Variants in FLI1 observed in about 807,000 individuals in gnomAD.
FLI1 encodes Fli-1 proto-oncogene, ETS transcription factor, also known as Friend leukemia integration 1 transcription factor.
A neutral mutation model predicts 53.1 loss-of-function variants in FLI1; 13 were observed. That is an observed-to-expected ratio of 0.24 (90% CI 0.16 to 0.39). The LOEUF (loss-of-function observed/expected upper bound fraction) is 0.39. Among genes scored for constraint, FLI1 ranks in the 10% least tolerant of loss-of-function variants. The pLI, the probability that FLI1 is intolerant of heterozygous loss-of-function variation, is 1.00. For synonymous variants in FLI1, 244 were observed against 236.7 expected (o/e 1.03, Z -0.28); for missense variants, 424 against 600.5 (o/e 0.71, Z 3.07).
At chr11:128,764,690 G>A (rs779078966) in intron 2 of FLI1, 8 of 1,541,300 alleles carry the variant, frequency 5.2e-6, no homozygotes, top group Non-Finnish European at 7.0e-6. Context: ...TTTATGCTGG[G>A]CTTCACCTGT....
chr11:128,776,290 C>G (rs1050890113), intron 4 of FLI1, among the ~76,000 whole-genome samples: 1 of 152,110 alleles, frequency 6.6e-6, no homozygotes, highest in African/African-American at 2.4e-5. Flanking sequence ...ACCCCTCCCC[C>G]CCACCACCAC....
chr11:128,701,220 C>G (rs2135701964), intron 1 of FLI1, among the ~76,000 whole-genome samples: 1 of 152,308 alleles, frequency 6.6e-6, no homozygotes, highest in South Asian at 2.1e-4. Flanking sequence ...CCTTCCTTCC[C>G]AGGGGATTTC....
chr11:128,716,973 G>A (rs1939040938), intron 1 of FLI1, among the ~76,000 whole-genome samples: 1 of 152,168 alleles, frequency 6.6e-6, no homozygotes, highest in Non-Finnish European at 1.5e-5. Flanking sequence ...AAGGAGGTAG[G>A]ACAGCTTCAG....
At chr11:128,744,061 G>A (rs1464255050) in intron 1 of FLI1, among the ~76,000 whole-genome samples, 1 of 152,190 alleles carries the variant, frequency 6.6e-6, no homozygotes, top group East Asian at 1.9e-4. Flanking sequence ...GGCTCCTCGT[G>A]TAGAGACCAG....
rs968131710 is a variant in FLI1 at position 128,810,147 on chromosome 11, G to A, written c.830-312G>A. Reference sequence around the variant, plus strand: ...CAAAAGCCTTGCCAAAGGGATTGAGGGGGGATATGGCTCACCCAAGATCAC... The same window carrying A: ...CAAAAGCCTTGCCAAAGGGATTGAGAGGGGATATGGCTCACCCAAGATCAC... On this transcript the variant is annotated intron_variant, in intron 8 of 8. Transcript: ENST00000527786. This position sits in a 1 kb window ranked among gnomAD's most constrained non-coding sequence, Gnocchi z 6.6. Among the ~76,000 whole-genome samples, 1 of 151,886 alleles carries A rather than the reference G, an allele frequency of 6.6e-6. No homozygotes were observed. Among genetic ancestry groups the A allele is most frequent in the African/African-American group, 2.4e-5 (1 of 41,350 alleles).
chr11:128,803,009 G>A (rs1372284807), intron 5 of FLI1, among the ~76,000 whole-genome samples: 3 of 152,204 alleles, frequency 2.0e-5, no homozygotes, highest in Non-Finnish European at 4.4e-5. Context: ...TTCAGAGAGG[G>A]TTGAAGCCTT....
At chr11:128,790,257 T>TTA (rs1942230982) in intron 5 of FLI1, among the ~76,000 whole-genome samples, 1 of 151,530 alleles carries the variant, frequency 6.6e-6, no homozygotes, top group Non-Finnish European at 1.5e-5. Flanking sequence ...AGTTGCATTT[T>TTA]TTTTTTTTTC....
At chr11:128,753,508 C>T (rs1940732993) in intron 1 of FLI1, among the ~76,000 whole-genome samples, 1 of 152,200 alleles carries the variant, frequency 6.6e-6, no homozygotes, top group Non-Finnish European at 1.5e-5. Context: ...TACACCCAGC[C>T]TATCACCTCA....
At chr11:128,704,050 A>G (rs1810558358) in intron 1 of FLI1, among the ~76,000 whole-genome samples, 1 of 152,096 alleles carries the variant, frequency 6.6e-6, no homozygotes, top group Non-Finnish European at 1.5e-5. Context: ...TAGCTATGGG[A>G]TGTTAGGCAA....
intron 5 of FLI1, among the ~76,000 whole-genome samples, chr11:128,795,240 C>G (rs1205920336): frequency 2.0e-5 from 3 of 152,206 alleles, no homozygotes; most frequent in Middle Eastern, 3.2e-3. Flanking sequence ...CTATCTGCCT[C>G]AAGATATGTT....
chr11:128,787,270 T>C (rs1249416633), intron 5 of FLI1, among the ~76,000 whole-genome samples: 2 of 152,100 alleles, frequency 1.3e-5, no homozygotes, highest in Non-Finnish European at 2.9e-5. Context: ...GCCATCACCA[T>C]GAGATGAGAA....
intron 3 of FLI1, among the ~76,000 whole-genome samples, chr11:128,771,689 A>G (rs1941563763): frequency 6.6e-6 from 1 of 152,142 alleles, no homozygotes; most frequent in Non-Finnish European, 1.5e-5. Context: ...GCCGACTTAC[A>G]ATAAAATGCC....
chr11:128,698,868 C>T (rs1012282612), intron 1 of FLI1, among the ~76,000 whole-genome samples: 6 of 151,882 alleles, frequency 4.0e-5, no homozygotes, highest in Non-Finnish European at 5.9e-5. Context: ...TATTTTTATC[C>T]TTAAAGAAAA....
intron 5 of FLI1, chr11:128,804,518 A>T (rs546413429): frequency 6.6e-6 from 1 of 152,210 alleles, no homozygotes; most frequent in Non-Finnish European, 1.5e-5. Context: ...TACGATCACA[A>T]AAGTTCGATT....
intron 3 of FLI1, among the ~76,000 whole-genome samples, chr11:128,771,193 C>T (rs139997043): frequency 2.9e-4 from 44 of 152,368 alleles, no homozygotes; most frequent in African/African-American, 9.9e-4. Context: ...ATAGCACCCA[C>T]CATCTGAGCC....
At chr11:128,743,593 C>A (rs1940237162) in intron 1 of FLI1, among the ~76,000 whole-genome samples, 1 of 152,042 alleles carries the variant, frequency 6.6e-6, no homozygotes, top group Non-Finnish European at 1.5e-5. Flanking sequence ...GGAGATTGAG[C>A]CTCCCTGCCC....
chr11:128,728,175 C>T (rs1939558218), intron 1 of FLI1, among the ~76,000 whole-genome samples: 1 of 152,266 alleles, frequency 6.6e-6, no homozygotes, highest in South Asian at 2.1e-4. Context: ...GGGGCTAACG[C>T]TGTCTCCACC....
chr11:128,727,235 G>A (rs902525592), intron 1 of FLI1, among the ~76,000 whole-genome samples: 3 of 152,204 alleles, frequency 2.0e-5, no homozygotes, highest in Admixed American at 6.5e-5. Context: ...ACTATAAAAT[G>A]AGGAAATTAT....
intron 1 of FLI1, among the ~76,000 whole-genome samples, chr11:128,731,831 T>C (rs77952654): frequency 0.039 from 5,981 of 151,974 alleles, 287 homozygotes; most frequent in East Asian, 0.26. Context: ...GGCAAAACCT[T>C]GTCTCTAATA....
Sources: allele counts gnomAD v4.1 joint callset (sites outside exome capture counted in the v4.1 genomes callset), GRCh38; gene constraint gnomAD v4.1.1; non-coding constraint Gnocchi (gnomAD v3.1); transcripts MANE v1.5; gene names NCBI Gene and HGNC (gene_info 2026-07-23, HGNC 2026-07-21).